ADAMTSL1: variants seen among roughly 807,000 people sequenced by gnomAD.
The protein encoded by ADAMTSL1 is ADAMTS like 1.
Under a neutral mutation model 201.8 loss-of-function variants are expected in ADAMTSL1, and 126 were observed. The ratio of observed to expected loss-of-function variants is 0.62; its 90% confidence interval spans 0.54 to 0.72. The LOEUF is 0.72. ADAMTSL1 is among the 30% of genes least tolerant of loss of function. ADAMTSL1 has a pLI of 0.00. For synonymous variants in ADAMTSL1, 1,121 were observed against 903.4 expected (o/e 1.24, Z -4.32); for missense variants, 2,679 against 2,277.8 (o/e 1.18, Z -3.59).
At chr9:18,782,419 A>G (rs1351282605) in intron 19 of ADAMTSL1, among the ~76,000 whole-genome samples, 8 of 152,234 alleles carry the variant, frequency 5.3e-5, no homozygotes, top group Non-Finnish European at 1.0e-4. Flanking sequence ...CCCTGTATCT[A>G]AAAGAGCACC....
chr9:18,260,678 T>A (rs866879012), intron 2 of ADAMTSL1, among the ~76,000 whole-genome samples: 27 of 152,232 alleles, frequency 1.8e-4, no homozygotes, highest in Non-Finnish European at 1.0e-4. Flanking sequence ...TCTGGAAGCC[T>A]GCACTTTCTC....
chr9:18,186,068 G>A (rs898808853), intron 2 of ADAMTSL1, among the ~76,000 whole-genome samples: 3 of 152,132 alleles, frequency 2.0e-5, no homozygotes, highest in African/African-American at 7.2e-5. Flanking sequence ...TATGATAAAA[G>A]CTTGAGCTGA....
chr9:18,291,982 C>T (rs1184033829), intron 2 of ADAMTSL1, among the ~76,000 whole-genome samples: 1 of 151,958 alleles, frequency 6.6e-6, no homozygotes, highest in African/African-American at 2.4e-5. Flanking sequence ...GTAATAAGAA[C>T]TGAGTGAAGT....
chr9:18,248,269 C>T (rs1328362084), intron 2 of ADAMTSL1, among the ~76,000 whole-genome samples: 2 of 152,132 alleles, frequency 1.3e-5, no homozygotes, highest in Non-Finnish European at 1.5e-5. Flanking sequence ...AGGAGGCTCA[C>T]GTGTACCCCA....
intron 1 of ADAMTSL1, among the ~76,000 whole-genome samples, chr9:18,130,793 ACAAT>A (rs1825919265): frequency 3.3e-5 from 5 of 152,270 alleles, no homozygotes; most frequent in Middle Eastern, 3.4e-3. Context: ...GATGCCGTGA[ACAAT>A]CACTTTCTCT....
chr9:17,958,826 A>T (rs551212802), intron 1 of ADAMTSL1, among the ~76,000 whole-genome samples: 1 of 152,314 alleles, frequency 6.6e-6, no homozygotes, highest in Non-Finnish European at 1.5e-5. Flanking sequence ...AGATAACCCT[A>T]TTAAATTCCA....
At chr9:18,419,117 T>A (rs1818824227) in intron 2 of ADAMTSL1, among the ~76,000 whole-genome samples, 1 of 151,818 alleles carries the variant, frequency 6.6e-6, no homozygotes. Flanking sequence ...ATCATGTTTT[T>A]AAAATAGAAA....
intron 2 of ADAMTSL1, among the ~76,000 whole-genome samples, chr9:18,292,688 G>A (rs964484770): frequency 5.3e-5 from 8 of 152,162 alleles, no homozygotes; most frequent in African/African-American, 1.9e-4. Flanking sequence ...TGGAACATCA[G>A]ACCCCAGTTC....
chr9:18,211,729 A>G (rs961084267), intron 2 of ADAMTSL1, among the ~76,000 whole-genome samples: 1 of 152,196 alleles, frequency 6.6e-6, no homozygotes, highest in Admixed American at 6.5e-5. Context: ...GAAGCTAAAG[A>G]TACCTTCCAT....
At chr9:18,593,137 A>G (rs866806371) in intron 4 of ADAMTSL1, among the ~76,000 whole-genome samples, 1 of 152,214 alleles carries the variant, frequency 6.6e-6, no homozygotes, top group South Asian at 2.1e-4. Context: ...GGTTTTTCCA[A>G]ATATAAGATT....
chr9:18,578,725 G>C (rs1331646111), intron 4 of ADAMTSL1, among the ~76,000 whole-genome samples: 1 of 151,918 alleles, frequency 6.6e-6, no homozygotes, highest in African/African-American at 2.4e-5. Context: ...ATGATTTATA[G>C]TCATTTGGGT....
intron 1 of ADAMTSL1, among the ~76,000 whole-genome samples, chr9:18,032,362 C>G (rs949409447): frequency 1.3e-5 from 2 of 152,202 alleles, no homozygotes; most frequent in African/African-American, 2.4e-5. Flanking sequence ...CAGCTTTGTC[C>G]TCTGGACCCT....
At position 18,681,979 on chromosome 9, in the gene ADAMTSL1, A is replaced by C. The variant is rs1830530718; in HGVS notation, c.1489+20A>C. 6.2e-7 allele frequency: 1 copy of C among 1,613,196 alleles called. No homozygotes were observed. Among genetic ancestry groups the C allele is most frequent in the Non-Finnish European group, 8.5e-7 (1 of 1,179,342 alleles). ...CCAAAGGTAACTTGACAGGTGCTCT[A>C]TTACCAGCCTGTTAATTGTTGTGTG... On this transcript the variant is annotated intron_variant, in intron 12 of 28. Coordinates refer to ENST00000380548, the MANE Select transcript of ADAMTSL1 (RefSeq NM_001040272.6).
At chr9:18,099,400 C>T (rs1824416613) in intron 1 of ADAMTSL1, among the ~76,000 whole-genome samples, 1 of 112,916 alleles carries the variant, frequency 8.9e-6, no homozygotes, top group Admixed American at 1.1e-4. Flanking sequence ...CTAGGCTATG[C>T]TTTGGTTTTG....
intron 14 of ADAMTSL1, among the ~76,000 whole-genome samples, chr9:18,714,543 C>T (rs1296915437): frequency 3.6e-5 from 2 of 55,534 alleles, no homozygotes; most frequent in South Asian, 6.7e-4. Context: ...AAGACTAAAC[C>T]AGGAAGAAGT....
intron 20 of ADAMTSL1, among the ~76,000 whole-genome samples, chr9:18,816,804 AGTT>A (rs1191827354): frequency 2.1e-5 from 3 of 141,974 alleles, no homozygotes; most frequent in Non-Finnish European, 4.5e-5. Flanking sequence ...TACAAATAAT[AGTT>A]GTGCATATTC....
chr9:18,671,405 G>A (rs1829801766), intron 9 of ADAMTSL1, among the ~76,000 whole-genome samples: 1 of 152,186 alleles, frequency 6.6e-6, no homozygotes, highest in South Asian at 2.1e-4. Context: ...TTTGTTACGA[G>A]ACTGGTATGA....
At chr9:18,742,529 G>A (rs577994) in intron 15 of ADAMTSL1, among the ~76,000 whole-genome samples, 119,206 of 152,166 alleles carry the variant, frequency 0.78, 46,859 homozygotes, top group Non-Finnish European at 0.82. Context: ...TAAATCCAAT[G>A]GAATCTCAAG....
intron 2 of ADAMTSL1, among the ~76,000 whole-genome samples, chr9:18,399,292 T>TATATATATATATATAC (rs1210739650): frequency 1.4e-4 from 13 of 94,056 alleles, no homozygotes; most frequent in Non-Finnish European, 1.9e-4. Context: ...TATATATATA[T>TATATATATATATATAC]ATATATATAT....
Sources: gnomAD v4.1 joint callset for allele counts (sites outside exome capture counted in the v4.1 genomes callset) on GRCh38, gnomAD v4.1.1 for gene constraint, MANE v1.5 for transcripts, NCBI Gene and HGNC (gene_info 2026-07-23, HGNC 2026-07-21) for gene names.